Variants in CTSG observed in about 807,000 individuals in gnomAD.
CTSG encodes the protein cathepsin G.
In CTSG, 23 loss-of-function variants were observed where a neutral mutation model predicts 23.0. The ratio of observed to expected loss-of-function variants is 1.00; its 90% CI spans 0.72 to 1.42. CTSG has a LOEUF of 1.42. Among genes scored for constraint, CTSG ranks in the 40% most tolerant of loss-of-function variants. The pLI is 0.00. For missense variants in CTSG, 312 were observed against 326.2 expected (o/e 0.96, Z 0.33); for synonymous variants, 140 against 130.4 (o/e 1.07, Z -0.50).
chr14:24,576,241 C>T lies in CTSG; in HGVS notation c.-18G>A. 1 of 1,599,228 alleles carries T rather than the reference C, an allele frequency of 6.3e-7. No individual in the cohort carries two copies. The highest frequency in any genetic ancestry group is 8.5e-7 in the Non-Finnish European group (1 of 1,172,900). On this transcript the variant is annotated 5_prime_UTR_variant, in exon 1 of 5. Transcript: ENST00000216336. Reference sequence around the variant, plus strand: ...GGCTGCATCTTTCCTGAAAGGCTGCCCAGTCAGTTGCTGCTGTGCTTCCTC... The same window carrying T: ...GGCTGCATCTTTCCTGAAAGGCTGCTCAGTCAGTTGCTGCTGTGCTTCCTC...
intron 4 of CTSG, 106 bp downstream of exon 4, chr14:24,574,139 G>A: frequency 1.4e-6 from 2 of 1,430,566 alleles, no homozygotes; most frequent in South Asian, 2.6e-5. Flanking sequence ...AGCCCACCCT[G>A]GTCTGGCTGC....
chr14:24,575,220 C>T, intron 2 of CTSG, 45 bp downstream of exon 2: 1 of 1,612,476 alleles, frequency 6.2e-7, no homozygotes, highest in South Asian at 1.1e-5. Flanking sequence ...AAGAGCTCCG[C>T]AGGGCTGTGT....
At chr14:24,576,147 G>A in intron 1 of CTSG, 22 bp downstream of exon 1, 1 of 1,604,528 alleles carries the variant, frequency 6.2e-7, no homozygotes, top group Non-Finnish European at 8.5e-7. Context: ...TCAGGCCTCT[G>A]AGGGTGGGGA....
At chr14:24,573,899 G>T (rs908237756) in intron 4 of CTSG, 89 bp from the exon 5 acceptor site, 16 of 1,246,120 alleles carry the variant, frequency 1.3e-5, no homozygotes, top group South Asian at 4.2e-5. Flanking sequence ...GCAGGGGTGG[G>T]TGGGCCCCTT....
chr14:24,575,698 G>A (rs2066738658), intron 1 of CTSG, among the ~76,000 whole-genome samples: 1 of 152,160 alleles, frequency 6.6e-6, no homozygotes, highest in African/African-American at 2.4e-5. Context: ...TCCAGGCAAG[G>A]CCAGCTTCAG....
intron 1 of CTSG, 37 bp downstream of exon 1, chr14:24,576,132 T>G (rs2066740563): frequency 1.9e-6 from 3 of 1,588,242 alleles, no homozygotes; most frequent in African/African-American, 1.3e-5. Flanking sequence ...ATCTATGGGA[T>G]GAGGTCAGGC....
chr14:24,574,970 G>T, intron 2 of CTSG, 160 bp from the exon 3 acceptor site: 1 of 919,406 alleles, frequency 1.1e-6, no homozygotes, highest in Non-Finnish European at 1.6e-6. Context: ...GCAGCTCTGA[G>T]CTAGGGATGA....
intron 1 of CTSG, 25 bp downstream of exon 1, chr14:24,576,144 T>A (rs372142154): frequency 3.1e-6 from 5 of 1,602,960 alleles, no homozygotes; most frequent in Non-Finnish European, 3.4e-6. Flanking sequence ...AGGTCAGGCC[T>A]CTGAGGGTGG....
chr14:24,573,920 G>T, intron 4 of CTSG, 110 bp from the exon 5 acceptor site: 1 of 986,656 alleles, frequency 1.0e-6, no homozygotes, highest in South Asian at 1.6e-5. Flanking sequence ...CAATTGCTGG[G>T]TGTGTGTGAG....
intron 2 of CTSG, 75 bp from the exon 3 acceptor site, chr14:24,574,885 G>C: frequency 6.3e-7 from 1 of 1,588,214 alleles, no homozygotes; most frequent in Non-Finnish European, 8.6e-7. Context: ...AGACAGCACG[G>C]GGAGGGCAAG....
rs763718534 is a variant in CTSG at position 24,574,464 on chromosome 14, G to A, written c.375C>T (p.Asn125=). The A allele has an allele frequency of 1.9e-6, 3 of 1,613,852 alleles. No individual in the cohort carries two copies. Among genetic ancestry groups the A allele is most frequent in the East Asian group, 2.2e-5 (1 of 44,880 alleles). ...CCTGGGCTCTAGGCAGAGCCACTGGGTTCACGTTTCGATTCCGTCTGACTC... is the reference window on the plus strand; with the variant it reads ...CCTGGGCTCTAGGCAGAGCCACTGGATTCACGTTTCGATTCCGTCTGACTC... ...SRRVRRNRNV[N]PVALPRAQEG... The change falls in exon 4 of 5, where the codon AAC becomes AAT. Residue 125 remains asparagine, a synonymous_variant. Coordinates refer to ENST00000216336, the MANE Select transcript of CTSG (RefSeq NM_001911.3).
chr14:24,574,770 G>A lies in CTSG; in HGVS notation c.244C>T (p.Arg82Trp). The A allele has an allele frequency of 1.2e-6, 2 of 1,614,120 alleles. No homozygotes were observed. Among genetic ancestry groups the A allele is most frequent in the African/African-American group, 1.3e-5 (1 of 75,052 alleles). ...GTGATGTGTTGCTGGGTGTTTTCCC[G>A]TCTCTGGATATTGTGGGCGCCCAGG... The part of the protein sequence containing the change: ...VTLGAHNIQR[R>W]ENTQQHITAR... The change falls in exon 3 of 5, where the codon CGG (arginine) becomes TGG (tryptophan). Residue 82 changes from arginine to tryptophan, a missense_variant. Arg to Trp is a moderately radical substitution (Grantham distance 101). Coordinates refer to ENST00000216336, the MANE Select transcript of CTSG (RefSeq NM_001911.3).
rs1336336938 is a variant in CTSG at position 24,574,608 on chromosome 14, C to A, written c.339+67G>T. On this transcript the variant is annotated intron_variant, in intron 3 of 4. Coordinates refer to ENST00000216336, the MANE Select transcript of CTSG (RefSeq NM_001911.3). ...CCCTCCCCGCCACCCCGGAGCCTTG[C>A]CCTCACTTCCTCCTCCATTGTCCCC... 3.1e-6 allele frequency: 5 copies of A among 1,612,498 alleles called. No homozygotes were observed. The African/African-American group carries it at 6.7e-5, about 22-fold the overall frequency.
chr14:24,574,607 G>T (rs576596733), intron 3 of CTSG, 68 bp downstream of exon 3: 3 of 1,612,588 alleles, frequency 1.9e-6, no homozygotes, highest in South Asian at 2.2e-5. Flanking sequence ...CCGGAGCCTT[G>T]CCCTCACTTC....
chr14:24,573,656 T>G lies in CTSG; in HGVS notation c.749A>C (p.Gln250Pro). ...TTMRSFKLLD[Q>P]METPL ...AGTCAGTCACAGGGGGGTCTCCATC[T>G]GATCCAGCAGTTTGAAGCTTCTCAT... is the stretch of plus-strand genomic sequence containing the variant. The change falls in exon 5 of 5, where the codon CAG becomes CCG. Residue 250 changes from glutamine to proline, a missense_variant. Transcript: ENST00000216336. The G allele has an allele frequency of 6.2e-7, 1 of 1,613,980 alleles. No individual in the cohort carries two copies. Among genetic ancestry groups the G allele is most frequent in the Non-Finnish European group, 8.5e-7 (1 of 1,179,912 alleles).
rs1476151995 is a variant in CTSG at position 24,574,302 on chromosome 14, G to T, written c.537C>A (p.Tyr179Ter). Residue 179 changes from tyrosine to a stop codon, truncating the protein, a stop_gained, in exon 4 of 5, where the codon TAC becomes TAA. Transcript: ENST00000216336. LOFTEE classifies it high-confidence loss of function. ...DRQCLRIFGS[Y>*]DPRRQICVGD... ...CCACACAAATCTGCCTTCGGGGGTCGTAGGAACCGAAGATGCGGAGGCACT... is the reference window on the plus strand; with the variant it reads ...CCACACAAATCTGCCTTCGGGGGTCTTAGGAACCGAAGATGCGGAGGCACT... 1 of 1,601,306 alleles carries T rather than the reference G, an allele frequency of 6.2e-7. No homozygotes were observed. Among genetic ancestry groups the T allele is most frequent in the Non-Finnish European group, 8.5e-7 (1 of 1,179,942 alleles).
intron 1 of CTSG, among the ~76,000 whole-genome samples, chr14:24,575,709 C>A (rs2066738764): frequency 6.6e-6 from 1 of 152,180 alleles, no homozygotes; most frequent in Non-Finnish European, 1.5e-5. Context: ...CCAGCTTCAG[C>A]CTCAGGTATT....
chr14:24,573,822 G>C lies in CTSG; in HGVS notation c.595-12C>G, dbSNP rs758298758. The C allele has an allele frequency of 1.1e-5, 18 of 1,607,566 alleles. No homozygotes were observed. The highest frequency in any genetic ancestry group is 2.2e-5 in the East Asian group (1 of 44,790). On this transcript the variant is annotated splice_polypyrimidine_tract_variant and intron_variant, in intron 4 of 4. Transcript: ENST00000216336. ...CCTCCGGAATCCCCCTGTAGGTAGA[G>C]AGGAGAAGGGAGACTGAGACAGGCC...
rs1395883473 is a variant in CTSG at position 24,574,779 on chromosome 14, T to C, written c.235A>G (p.Ile79Val). Residue 79 changes from isoleucine to valine, a missense_variant, in exon 3 of 5, where the codon ATC becomes GTC. Transcript: ENST00000216336. Reference protein sequence around the residue: ...NINVTLGAHNIQRRENTQQHI... With the variant: ...NINVTLGAHNVQRRENTQQHI... Reference sequence around the variant, plus strand: ...TGCTGGGTGTTTTCCCGTCTCTGGATATTGTGGGCGCCCAGGGTGACATTT... The same window carrying C: ...TGCTGGGTGTTTTCCCGTCTCTGGACATTGTGGGCGCCCAGGGTGACATTT... The C allele has an allele frequency of 1.2e-6, 2 of 1,614,040 alleles. No individual in the cohort carries two copies. The highest frequency in any genetic ancestry group is 1.7e-6 in the Non-Finnish European group (2 of 1,180,028).
Sources: gnomAD v4.1 joint callset for allele counts (sites outside exome capture counted in the v4.1 genomes callset) on GRCh38, gnomAD v4.1.1 for gene constraint, MANE v1.5 for transcripts, NCBI Gene and HGNC (gene_info 2026-07-23, HGNC 2026-07-21) for gene names.